SMARCAL1: variants seen among roughly 807,000 people sequenced by gnomAD.
The protein encoded by SMARCAL1 is ATP-driven annealing helicase.
Under a neutral mutation model 94.5 loss-of-function variants are expected in SMARCAL1, and 58 were observed. The ratio of observed to expected loss-of-function variants is 0.61; its 90% CI spans 0.50 to 0.76. The LOEUF is 0.76. SMARCAL1 is among the 30% of genes least tolerant of loss of function. SMARCAL1 has a pLI of 0.00. For synonymous variants in SMARCAL1, 422 were observed against 455.1 expected (o/e 0.93, Z 0.93); for missense variants, 1,051 against 1,177.9 (o/e 0.89, Z 1.58).
chr2:216,418,154 G>A (rs559983932), intron 4 of SMARCAL1, among the ~76,000 whole-genome samples: 39 of 152,054 alleles, frequency 2.6e-4, no homozygotes, highest in Non-Finnish European at 5.1e-4. Flanking sequence ...CCTGACCTCA[G>A]GTGATCTACC....
intron 10 of SMARCAL1, among the ~76,000 whole-genome samples, chr2:216,444,523 AT>A (rs1454411781): frequency 2.0e-5 from 3 of 151,880 alleles, no homozygotes; most frequent in Non-Finnish European, 4.4e-5. Flanking sequence ...ATTTAATTTT[AT>A]TTTTTTGAGA....
intron 8 of SMARCAL1, 71 bp downstream of exon 8, chr2:216,432,939 T>G: frequency 6.3e-7 from 1 of 1,581,786 alleles, no homozygotes; most frequent in Non-Finnish European, 8.7e-7. Context: ...AAATAATGGT[T>G]TGCAGACAGG....
In SMARCAL1 at chr2:216,424,518, G is replaced by A. The variant is rs947752201; in HGVS notation, c.1147+835G>A. 3.3e-5 allele frequency among the ~76,000 whole-genome samples: 5 copies of A among 152,188 alleles called. 1 individual carries two copies. The highest frequency in any genetic ancestry group is 7.4e-5 in the Non-Finnish European group (5 of 68,024). The stretch of plus-strand genomic sequence containing the variant: ...GTACCAATCAGGCCAGGACAGACAC[G>A]AGCCAACCCTGGGAGCTCTGAGTCA... On this transcript the variant is annotated intron_variant, in intron 6 of 17. Transcript: ENST00000357276.
At chr2:216,446,776 A>G in intron 10 of SMARCAL1, 1 of 646,104 alleles carries the variant, frequency 1.5e-6, no homozygotes, top group Non-Finnish European at 2.9e-6. Flanking sequence ...GGGAGACAGA[A>G]AAGTTATAAT....
rs1025161947 is a variant in SMARCAL1, at chr2:216,475,855, T to G, written c.2427+404T>G. Among the ~76,000 whole-genome samples, 1 of 152,072 alleles carries G rather than the reference T, an allele frequency of 6.6e-6. No homozygotes were observed. The highest frequency in any genetic ancestry group is 1.5e-5 in the Non-Finnish European group (1 of 68,006). ...TTTTATCAACGGGAAGGTTGAAGTCTTCCAGGGCTAGAAGGAATCTTGACT... is the reference window on the plus strand; with the variant it reads ...TTTTATCAACGGGAAGGTTGAAGTCGTCCAGGGCTAGAAGGAATCTTGACT... On this transcript the variant is annotated intron_variant, in intron 15 of 17. Transcript: ENST00000357276. The surrounding 1 kb of genome is among the most constrained non-coding windows in gnomAD (Gnocchi z 4.4).
At chr2:216,449,697 A>G (rs1291155171) in intron 11 of SMARCAL1, among the ~76,000 whole-genome samples, 2 of 152,140 alleles carry the variant, frequency 1.3e-5, no homozygotes, top group African/African-American at 2.4e-5. Context: ...TCAGGTAGCT[A>G]GCTCATCAGC....
intron 6 of SMARCAL1, among the ~76,000 whole-genome samples, chr2:216,424,791 C>T (rs867827370): frequency 2.6e-5 from 4 of 152,274 alleles, no homozygotes; most frequent in African/African-American, 7.2e-5. Context: ...TACATGATTA[C>T]GTTTGAATAT....
intron 7 of SMARCAL1, among the ~76,000 whole-genome samples, chr2:216,431,146 A>C (rs921307967): frequency 1.3e-5 from 2 of 152,338 alleles, no homozygotes; most frequent in East Asian, 1.9e-4. Context: ...CCCACACTCT[A>C]CTGGCTTCGG....
intron 10 of SMARCAL1, among the ~76,000 whole-genome samples, chr2:216,442,118 T>A (rs889052343): frequency 2.6e-5 from 4 of 152,040 alleles, no homozygotes; most frequent in East Asian, 1.9e-4. Context: ...TTTAAATAGA[T>A]GATAAATTCA....
intron 3 of SMARCAL1, 137 bp from the exon 4 acceptor site, chr2:216,416,120 T>C (rs1361020203): frequency 2.6e-6 from 2 of 761,666 alleles, no homozygotes; most frequent in African/African-American, 3.4e-5. Context: ...TCTACAGAGA[T>C]TTTTATAGAT....
intron 13 of SMARCAL1, 105 bp downstream of exon 13, chr2:216,464,772 T>G: frequency 1.2e-6 from 1 of 831,152 alleles, no homozygotes; most frequent in Non-Finnish European, 2.1e-6. Flanking sequence ...GTCTAAGAAA[T>G]GACCAGAGAT....
chr2:216,420,384 T>C lies in SMARCAL1; in HGVS notation c.948T>C (p.Ser316=), dbSNP rs142455621. The C allele has an allele frequency of 6.2e-7, 1 of 1,614,054 alleles. No individual in the cohort carries two copies. Among genetic ancestry groups the C allele is most frequent in the African/African-American group, 1.3e-5 (1 of 74,916 alleles). ...YGSSESPSTS[S]EGQAGLPSAP... ...GCAGCGAGTCACCCTCCACCAGCAG[T>C]GAGGGACAGGCCGGCCTTCCATCAG... The change falls in exon 5 of 18, where the codon AGT becomes AGC. Residue 316 remains serine (S), a synonymous_variant. Transcript: ENST00000357276.
chr2:216,439,313 T>C (rs1174316760), intron 10 of SMARCAL1, among the ~76,000 whole-genome samples: 1 of 116,022 alleles, frequency 8.6e-6, no homozygotes, highest in Non-Finnish European at 1.7e-5. Flanking sequence ...CCTCCAAATT[T>C]CCTTCCATTA....
intron 8 of SMARCAL1, among the ~76,000 whole-genome samples, chr2:216,433,955 G>GT (rs1229583555): frequency 6.8e-6 from 1 of 147,008 alleles, no homozygotes; most frequent in Non-Finnish European, 1.5e-5. Context: ...TGTGCACCTT[G>GT]TTTTTTTTCT....
rs1178376840 is a variant in SMARCAL1, at chr2:216,414,600, A to G, written c.-58-47A>G. On this transcript the variant is annotated intron_variant, in intron 2 of 17. Transcript: ENST00000357276. ...TTAAAATCATGGTTGGAGTATGACA[A>G]TTAATACATGTAATGTTCATTTCAT... is the stretch of plus-strand genomic sequence containing the variant. The G allele has an allele frequency of 2.0e-5, 20 of 976,846 alleles. 2 individuals are homozygous for G. Among genetic ancestry groups the G allele is most frequent in the South Asian group, 1.9e-4 (14 of 73,524 alleles). The allele number at this position is 976,846 out of a possible 1,614,324, so 60.5% of individuals were successfully genotyped here. A position where few individuals can be genotyped will look rare whatever the true frequency, so the allele number is the denominator to read the frequency against.
At chr2:216,437,480 G>C (rs1325725245) in intron 9 of SMARCAL1, among the ~76,000 whole-genome samples, 1 of 152,146 alleles carries the variant, frequency 6.6e-6, no homozygotes, top group Non-Finnish European at 1.5e-5. Context: ...CTATAGGAAG[G>C]CTGATACCAT....
intron 12 of SMARCAL1, among the ~76,000 whole-genome samples, chr2:216,461,055 G>GGTGTGTGTGTGTGTGT (rs71054476): frequency 4.8e-5 from 7 of 146,336 alleles, no homozygotes; most frequent in East Asian, 4.0e-4. Context: ...ACTAGAAAGA[G>GGTGTGTGTGTGTGTGT]GTGTGTGTGT....
rs543496764 is a variant in SMARCAL1, at chr2:216,458,062, G to A, written c.2071-6535G>A. On this transcript the variant is annotated intron_variant, in intron 12 of 17. Coordinates refer to ENST00000357276, the MANE Select transcript of SMARCAL1 (RefSeq NM_014140.4). ...TCAGAGATATTATAAACACCTCTAC[G>A]CAAGTAAACTAGAAAATCTAGAAGA... Among the ~76,000 whole-genome samples the A allele has an allele frequency of 2.2e-4, 33 of 152,268 alleles. 1 individual carries two copies. Among genetic ancestry groups the A allele is most frequent in the Admixed American group, 2.0e-3 (30 of 15,296 alleles).
chr2:216,440,024 A>G (rs890725035), intron 10 of SMARCAL1, among the ~76,000 whole-genome samples: 2 of 148,708 alleles, frequency 1.3e-5, no homozygotes, highest in African/African-American at 5.1e-5. Flanking sequence ...CCTGGGTGAC[A>G]GAGTGAGACT....
Sources: gnomAD v4.1 joint callset for allele counts (sites outside exome capture counted in the v4.1 genomes callset) on GRCh38, gnomAD v4.1.1 for gene constraint, Gnocchi (gnomAD v3.1) non-coding constraint, MANE v1.5 for transcripts, NCBI Gene and HGNC (gene_info 2026-07-23, HGNC 2026-07-21) for gene names.